FAM13B: variants seen among roughly 807,000 people sequenced by gnomAD.
FAM13B encodes the protein family with sequence similarity 13 member B.
FAM13B carries 60 observed loss-of-function variants against 117.3 expected under a neutral mutation model. The observed-to-expected ratio is 0.51, with a 90% CI of 0.42 to 0.63. The LOEUF (loss-of-function observed/expected upper bound fraction) is 0.63. Among genes scored for constraint, FAM13B ranks in the 30% least tolerant of loss-of-function variants. The probability of loss-of-function intolerance (pLI) is 0.00; values close to 1 mark genes in which losing one functional copy is unlikely to be tolerated. For missense variants in FAM13B, 972 were observed against 1,091.9 expected, an observed-to-expected ratio of 0.89 and a Z score of 1.55; for synonymous variants, 332 against 356.1, an observed-to-expected ratio of 0.93 and a Z score of 0.76.
intron 1 of FAM13B, 124 bp downstream of exon 1, chr5:138,032,658 C>G: frequency 2.1e-6 from 2 of 930,944 alleles, no homozygotes; most frequent in Non-Finnish European, 2.6e-6. Flanking sequence ...CTCCACATCC[C>G]GAAACGCAAC....
At chr5:137,982,928 T>C (rs974360660) in intron 10 of FAM13B, among the ~76,000 whole-genome samples, 1 of 151,864 alleles carries the variant, frequency 6.6e-6, no homozygotes, top group African/African-American at 2.4e-5. Flanking sequence ...AATATACCAG[T>C]GGAAATGCTG....
intron 10 of FAM13B, among the ~76,000 whole-genome samples, chr5:137,973,707 T>C (rs1773021376): frequency 6.7e-6 from 1 of 149,388 alleles, no homozygotes; most frequent in African/African-American, 2.4e-5. Context: ...CCTACTCATC[T>C]GACAAAGGGC....
chr5:137,943,342 T>C, intron 20 of FAM13B, 126 bp from the exon 21 acceptor site: 2 of 684,988 alleles, frequency 2.9e-6, no homozygotes, highest in Non-Finnish European at 4.8e-6. Context: ...GCTTTAAATC[T>C]TTTTAGGAAT....
chr5:138,011,278 T>C (rs1248116524), intron 5 of FAM13B, 129 bp from the exon 6 acceptor site: 3 of 824,104 alleles, frequency 3.6e-6, no homozygotes, highest in Non-Finnish European at 5.7e-6. Flanking sequence ...CATTCTCCCA[T>C]CTGTAAAACC....
Position 138,000,169 on chromosome 5 carries a change from T to C in FAM13B, c.848+6821A>G, listed in dbSNP as rs536598949. Among the ~76,000 whole-genome samples the C allele has an allele frequency of 2.4e-4, 37 of 152,274 alleles. No homozygotes were observed. In the South Asian group the frequency reaches 7.3e-3, roughly 30 times the overall value. On this transcript the variant is annotated intron_variant, in intron 7 of 23. Coordinates refer to ENST00000689681, the MANE Select transcript of FAM13B (RefSeq NM_001385994.1). ...CCCAGCACTTTAAGGAGACTAAGGCTGGAGAATCACTTGCGCCTGGGAGCT... is the reference window on the plus strand; with the variant it reads ...CCCAGCACTTTAAGGAGACTAAGGCCGGAGAATCACTTGCGCCTGGGAGCT...
intron 7 of FAM13B, among the ~76,000 whole-genome samples, chr5:137,995,313 T>C (rs559773049): frequency 3.9e-5 from 6 of 152,334 alleles, no homozygotes; most frequent in African/African-American, 1.4e-4. Context: ...AACAAACTTT[T>C]TAATCTAGCT....
At chr5:137,940,758 G>A (rs550922323) in intron 23 of FAM13B, among the ~76,000 whole-genome samples, 2 of 152,290 alleles carry the variant, frequency 1.3e-5, no homozygotes, top group East Asian at 3.9e-4. Context: ...TCTGCAACAA[G>A]AGTAATTTTC....
At chr5:137,981,451 T>C (rs1291945861) in intron 10 of FAM13B, among the ~76,000 whole-genome samples, 1 of 149,364 alleles carries the variant, frequency 6.7e-6, no homozygotes, top group Non-Finnish European at 1.5e-5. Context: ...TCTCTAAAAA[T>C]AAAAATTAAA....
chr5:137,997,346 G>A (rs557520976), intron 7 of FAM13B, among the ~76,000 whole-genome samples: 14 of 152,090 alleles, frequency 9.2e-5, no homozygotes, highest in Non-Finnish European at 2.1e-4. Flanking sequence ...GCAGGCACCT[G>A]TAATCCCAGC....
intron 10 of FAM13B, among the ~76,000 whole-genome samples, chr5:137,979,430 A>G (rs1012632168): frequency 5.3e-5 from 8 of 152,138 alleles, no homozygotes; most frequent in Non-Finnish European, 8.8e-5. Context: ...CCTTCTTCCT[A>G]AAATACAGAT....
upstream of FAM13B, among the ~76,000 whole-genome samples, chr5:138,033,501 G>A (rs547084532): frequency 6.6e-6 from 1 of 152,188 alleles, no homozygotes; most frequent in Admixed American, 6.5e-5. Context: ...CCAGAGATGT[G>A]AGTTAGATCC....
intron 23 of FAM13B, among the ~76,000 whole-genome samples, chr5:137,941,299 A>C (rs1437269915): frequency 6.6e-6 from 1 of 152,164 alleles, no homozygotes; most frequent in Non-Finnish European, 1.5e-5. Flanking sequence ...TAGAATTTGT[A>C]ATATTAGCTA....
At chr5:137,980,311 G>A (rs913903317) in intron 10 of FAM13B, among the ~76,000 whole-genome samples, 1 of 152,074 alleles carries the variant, frequency 6.6e-6, no homozygotes, top group African/African-American at 2.4e-5. Flanking sequence ...TTCTTAGCTG[G>A]GGTTGGGGGG....
chr5:138,028,982 T>G (rs1789183268), intron 1 of FAM13B, among the ~76,000 whole-genome samples: 1 of 151,958 alleles, frequency 6.6e-6, no homozygotes, highest in Admixed American at 6.6e-5. Context: ...TCGCCGCCAT[T>G]GCACTCCAGC....
At position 137,956,485 on chromosome 5, in the gene FAM13B, T is replaced by G; in HGVS notation, c.1499A>C (p.Asp500Ala). ...IDFKTMHLQRDGEEPFPAFKS... is the reference protein window; with the variant it reads ...IDFKTMHLQRAGEEPFPAFKS... Reference sequence around the variant, plus strand: ...TGGTGAACCATACTTACCCTCCCCATCTCTCTGCAGATGCATTGTTTTGAA... The same window carrying G: ...TGGTGAACCATACTTACCCTCCCCAGCTCTCTGCAGATGCATTGTTTTGAA... Residue 500 changes from aspartate (D) to alanine (A), a missense_variant, in exon 14 of 24, where the codon GAT becomes GCT. Coordinates refer to ENST00000689681, the MANE Select transcript of FAM13B (RefSeq NM_001385994.1). 6.3e-7 allele frequency: 1 copy of G among 1,598,210 alleles called. No homozygotes were observed. Among genetic ancestry groups the G allele is most frequent in the African/African-American group, 1.3e-5 (1 of 74,742 alleles).
At position 137,981,788 on chromosome 5, in the gene FAM13B, GA is replaced by G. The variant is rs546850184; in HGVS notation, c.1179+3468del. On this transcript the variant is annotated intron_variant, in intron 10 of 23. Transcript: ENST00000689681. ...GCAACAGAGACAGACTCCATCTCAGGAAAAAAAAAAAAAGTGCGGCGGAATG... is the reference window on the plus strand; with the variant it reads ...GCAACAGAGACAGACTCCATCTCAGGAAAAAAAAAAAAGTGCGGCGGAATG... Among the ~76,000 whole-genome samples, 426 of 140,812 alleles carry G rather than the reference GA, an allele frequency of 3.0e-3. 6 individuals carry two copies. In the South Asian group the frequency reaches 0.049, roughly 16 times the overall value. The allele number at this position is 140,812 out of a possible 152,430, so 92.4% of individuals were successfully genotyped here. A position where few individuals can be genotyped will look rare whatever the true frequency, so the allele number is the denominator to read the frequency against.
chr5:137,948,525 TG>T, intron 18 of FAM13B, among the ~76,000 whole-genome samples: 1 of 152,286 alleles, frequency 6.6e-6, no homozygotes, highest in South Asian at 2.1e-4. Flanking sequence ...TCCAAGTAAC[TG>T]GAACTACAGG....
At chr5:138,007,975 T>C (rs1782971320) in intron 6 of FAM13B, among the ~76,000 whole-genome samples, 1 of 152,174 alleles carries the variant, frequency 6.6e-6, no homozygotes, top group Non-Finnish European at 1.5e-5. Flanking sequence ...AATAGAAATA[T>C]CTAGAATAAA....
rs778571137 is a variant in FAM13B at position 138,018,980 on chromosome 5, G to A, written c.132C>T (p.His44=). 10 of 1,613,876 alleles carry A rather than the reference G, an allele frequency of 6.2e-6. No individual in the cohort carries two copies. Among genetic ancestry groups the A allele is most frequent in the Non-Finnish European group, 8.5e-6 (10 of 1,179,952 alleles). Reference sequence around the variant, plus strand: ...CATGTTCCTCAATATAGTCCACAACGTGGCGGACTATGAATGGAACCTCAT... The same window carrying A: ...CATGTTCCTCAATATAGTCCACAACATGGCGGACTATGAATGGAACCTCAT... The part of the protein sequence containing the change: ...PDNEVPFIVR[H]VVDYIEEHGG... The change falls in exon 3 of 24, where the codon CAC becomes CAT. Residue 44 remains histidine, a synonymous_variant. Coordinates refer to ENST00000689681, the MANE Select transcript of FAM13B (RefSeq NM_001385994.1).
Sources: gnomAD v4.1 joint callset for allele counts (sites outside exome capture counted in the v4.1 genomes callset) on GRCh38, gnomAD v4.1.1 for gene constraint, MANE v1.5 for transcripts, NCBI Gene and HGNC (gene_info 2026-07-23, HGNC 2026-07-21) for gene names.